The following DMRTA2 variants were observed in gnomAD, a reference collection of about 807,000 sequenced individuals.
DMRTA2 encodes DMRT like family A2.
Under a neutral mutation model 29.7 loss-of-function variants are expected in DMRTA2, and 10 were observed. The ratio of observed to expected loss-of-function variants is 0.34; its 90% CI spans 0.21 to 0.57. The LOEUF (loss-of-function observed/expected upper bound fraction) is 0.57. Among genes scored for constraint, DMRTA2 ranks in the 20% least tolerant of loss-of-function variants. The pLI, the probability that DMRTA2 is intolerant of heterozygous loss-of-function variation, is 0.87. For synonymous variants in DMRTA2, 469 were observed against 402.6 expected (o/e 1.16, Z -1.97); for missense variants, 783 against 812.1 (o/e 0.96, Z 0.44).
chr1:50,418,593 A>T lies in DMRTA2; in HGVS notation c.*72T>A, dbSNP rs1646006032. On this transcript the variant is annotated 3_prime_UTR_variant, in exon 3 of 3. Transcript: ENST00000404795. ...GGCGCAGAGAGAGCGCTGGGCGAAG[A>T]GGGGTCGATGGCCCGCGGGAACAGG... The T allele has an allele frequency of 2.3e-5, 28 of 1,241,086 alleles. No homozygotes were observed. Among genetic ancestry groups the T allele is most frequent in the Non-Finnish European group, 2.8e-5 (27 of 959,252 alleles). The allele number at this position is 1,241,086 out of a possible 1,614,324, so 76.9% of individuals were successfully genotyped here. A position where few individuals can be genotyped will look rare whatever the true frequency, so the allele number is the denominator to read the frequency against.
Position 50,419,882 on chromosome 1 carries a change from G to T in DMRTA2, c.560-148C>A. 1 of 689,882 alleles carries T rather than the reference G, an allele frequency of 1.4e-6. No homozygotes were observed. The highest frequency in any genetic ancestry group is 2.2e-6 in the Non-Finnish European group (1 of 449,442). 42.7% of individuals were successfully genotyped at this position (689,882 alleles called of 1,614,324 possible). A position where few individuals can be genotyped will look rare whatever the true frequency, so the allele number is the denominator to read the frequency against. Reference sequence around the variant, plus strand: ...AGTGCCCCTCTTTCTTTTTGCTCTAGCATTCCTTCCGCTCTGAGCCCCTAC... The same window carrying T: ...AGTGCCCCTCTTTCTTTTTGCTCTATCATTCCTTCCGCTCTGAGCCCCTAC... On this transcript the variant is annotated intron_variant, in intron 2 of 2. Transcript: ENST00000404795. This position sits in a 1 kb window ranked among gnomAD's most constrained non-coding sequence, Gnocchi z 6.1.
chr1:50,421,548 A>C lies in DMRTA2; in HGVS notation c.-8-4T>G, dbSNP rs1214946930. The C allele has an allele frequency of 8.0e-7, 1 of 1,244,218 alleles. No homozygotes were observed. The highest frequency in any genetic ancestry group is 1.0e-6 in the Non-Finnish European group (1 of 997,572). 77.1% of individuals were successfully genotyped at this position (1,244,218 alleles called of 1,614,324 possible). On this transcript the variant is annotated splice_region_variant and splice_polypyrimidine_tract_variant and intron_variant, in intron 1 of 2. Coordinates refer to ENST00000404795, the MANE Select transcript of DMRTA2 (RefSeq NM_032110.3). The surrounding 1 kb of genome is among the most constrained non-coding windows in gnomAD (Gnocchi z 8.7). ...GAGCGCAGCTCCATGACAGGACCTG[A>C]CGGGAAAGAAGGTGGGAGAGGGGAG...
In DMRTA2 at chr1:50,421,887, G is replaced by A. The variant is rs540947452; in HGVS notation, c.-8-343C>T. Among the ~76,000 whole-genome samples, 210 of 152,350 alleles carry A rather than the reference G, an allele frequency of 1.4e-3. No individual in the cohort carries two copies. Among genetic ancestry groups the A allele is most frequent in the African/African-American group, 4.8e-3 (199 of 41,582 alleles). ...AATGAGAATTTGGAAAAGTTAAGAT[G>A]ATACCCCAAAGCTTAGCCTAATTGG... On this transcript the variant is annotated intron_variant, in intron 1 of 2. Transcript: ENST00000404795. The surrounding 1 kb of genome is among the most constrained non-coding windows in gnomAD (Gnocchi z 8.7).
chr1:50,418,533 A>T lies in DMRTA2; in HGVS notation c.*132T>A. ...CCACCCACCCTCCTAAACAAAACCC[A>T]AAAACCACCTTAGAGTGAGAAGACG... On this transcript the variant is annotated 3_prime_UTR_variant, in exon 3 of 3. Coordinates refer to ENST00000404795, the MANE Select transcript of DMRTA2 (RefSeq NM_032110.3). 1 of 769,520 alleles carries T rather than the reference A, an allele frequency of 1.3e-6. No individual in the cohort carries two copies. Among genetic ancestry groups the T allele is most frequent in the Non-Finnish European group, 1.8e-6 (1 of 559,144 alleles). 47.7% of individuals were successfully genotyped at this position (769,520 alleles called of 1,614,324 possible).
Position 50,418,773 on chromosome 1 carries a change from A to T in DMRTA2, c.1521T>A (p.Asp507Glu), listed in dbSNP as rs759831457. The T allele has an allele frequency of 1.9e-6, 3 of 1,585,724 alleles. No individual in the cohort carries two copies. The African/African-American group carries it at 4.2e-5, about 22-fold the overall frequency. The change falls in exon 3 of 3, where the codon GAT becomes GAA. Residue 507 changes from aspartate (D) to glutamate (E), a missense_variant. By Grantham distance (45) the Asp-to-Glu change is conservative. Around this residue, in one of 3 missense-constraint regions of DMRTA2, gnomAD observed 667 missense variants for 624.8 expected, o/e 1.07. Coordinates refer to ENST00000404795, the MANE Select transcript of DMRTA2 (RefSeq NM_032110.3). ...CGGCGGCCGAGCGGTCACGCATGAG[A>T]TCGCTAAAGGCGTAGTCCATGGGTG... ...FRPPMDYAFSDLMRDRSAAAA... is the reference protein window; with the variant it reads ...FRPPMDYAFSELMRDRSAAAA...
At position 50,421,556 on chromosome 1, in the gene DMRTA2, G is replaced by C. The variant is rs953326085; in HGVS notation, c.-8-12C>G. On this transcript the variant is annotated splice_polypyrimidine_tract_variant and intron_variant, in intron 1 of 2. Transcript: ENST00000404795. The surrounding 1 kb of genome is among the most constrained non-coding windows in gnomAD (Gnocchi z 8.7). Reference sequence around the variant, plus strand: ...CTCCATGACAGGACCTGACGGGAAAGAAGGTGGGAGAGGGGAGAGACCTGG... The same window carrying C: ...CTCCATGACAGGACCTGACGGGAAACAAGGTGGGAGAGGGGAGAGACCTGG... 8.1e-7 allele frequency: 1 copy of C among 1,242,116 alleles called. No individual in the cohort carries two copies. Among genetic ancestry groups the C allele is most frequent in the Non-Finnish European group, 1.0e-6 (1 of 996,182 alleles). The allele number at this position is 1,242,116 out of a possible 1,614,324, so 76.9% of individuals were successfully genotyped here. A position where few individuals can be genotyped will look rare whatever the true frequency, so the allele number is the denominator to read the frequency against.
chr1:50,419,774 A>G lies in DMRTA2; in HGVS notation c.560-40T>C. On this transcript the variant is annotated intron_variant, in intron 2 of 2. Coordinates refer to ENST00000404795, the MANE Select transcript of DMRTA2 (RefSeq NM_032110.3). The surrounding 1 kb of genome is among the most constrained non-coding windows in gnomAD (Gnocchi z 6.1). ...AACGTGTCGTGAGGAGCGGTTAGCTAGAAGACAGCAGTCACAGCACCTCGG... is the reference window on the plus strand; with the variant it reads ...AACGTGTCGTGAGGAGCGGTTAGCTGGAAGACAGCAGTCACAGCACCTCGG... 1.4e-6 allele frequency: 2 copies of G among 1,427,870 alleles called. No homozygotes were observed. Among genetic ancestry groups the G allele is most frequent in the Non-Finnish European group, 1.8e-6 (2 of 1,087,302 alleles). 88.5% of individuals were successfully genotyped at this position (1,427,870 alleles called of 1,614,324 possible).
chr1:50,419,972 A>C lies in DMRTA2; in HGVS notation c.560-238T>G, dbSNP rs1338084170. 6.6e-6 allele frequency among the ~76,000 whole-genome samples: 1 copy of C among 152,096 alleles called. No homozygotes were observed. Among genetic ancestry groups the C allele is most frequent in the Non-Finnish European group, 1.5e-5 (1 of 68,020 alleles). On this transcript the variant is annotated intron_variant, in intron 2 of 2. Coordinates refer to ENST00000404795, the MANE Select transcript of DMRTA2 (RefSeq NM_032110.3). The surrounding 1 kb of genome is among the most constrained non-coding windows in gnomAD (Gnocchi z 6.1). ...AGAACCCCAACTACCTGTGCCCTGT[A>C]AACTCGATGTTCAGTGCTGCTTTCC...
In DMRTA2 at chr1:50,419,654, C is replaced by T; in HGVS notation, c.640G>A (p.Val214Met). ...GCGCCGTCGGGTGATAAGGGCTTCACCGGCGGCGGCAGCGGGCTGCCCGGG... is the reference window on the plus strand; with the variant it reads ...GCGCCGTCGGGTGATAAGGGCTTCATCGGCGGCGGCAGCGGGCTGCCCGGG... ...GRPGSPLPPP[V>M]KPLSPDGADS... Residue 214 changes from valine (V) to methionine (M), a missense_variant, in exon 3 of 3, where the codon GTG becomes ATG. Around this residue, in one of 3 missense-constraint regions of DMRTA2, gnomAD observed 667 missense variants for 624.8 expected, o/e 1.07. Transcript: ENST00000404795. The surrounding 1 kb of genome is among the most constrained non-coding windows in gnomAD (Gnocchi z 6.1). 2 of 1,500,262 alleles carry T rather than the reference C, an allele frequency of 1.3e-6. No individual in the cohort carries two copies. The highest frequency in any genetic ancestry group is 1.8e-6 in the Non-Finnish European group (2 of 1,127,988). 92.9% of individuals were successfully genotyped at this position (1,500,262 alleles called of 1,614,324 possible).
chr1:50,422,285 C>T lies in DMRTA2; in HGVS notation c.-8-741G>A, dbSNP rs1391313468. Among the ~76,000 whole-genome samples, 2 of 152,074 alleles carry T rather than the reference C, an allele frequency of 1.3e-5. No homozygotes were observed. The highest frequency in any genetic ancestry group is 3.2e-3 in the Middle Eastern group (1 of 316). On this transcript the variant is annotated intron_variant, in intron 1 of 2. Transcript: ENST00000404795. This position sits in a 1 kb window ranked among gnomAD's most constrained non-coding sequence, Gnocchi z 5.7. ...CCAAAAGTTCCACGGTGAGGGCCTC[C>T]AGAGAGTGAGAGACAAAATGTATGT...
rs1489886447 is a variant in DMRTA2, at chr1:50,417,592, T to C, written c.*1073A>G. On this transcript the variant is annotated 3_prime_UTR_variant, in exon 3 of 3. Coordinates refer to ENST00000404795, the MANE Select transcript of DMRTA2 (RefSeq NM_032110.3). ...AACATTTATTTCTAGCTCATATCTATGCAAAGGAAAGCACAAAGTGCTGCT... is the reference window on the plus strand; with the variant it reads ...AACATTTATTTCTAGCTCATATCTACGCAAAGGAAAGCACAAAGTGCTGCT... The C allele has an allele frequency of 1.3e-5, 2 of 151,742 alleles. No homozygotes were observed. The highest frequency in any genetic ancestry group is 6.6e-5 in the Admixed American group (1 of 15,232). The allele number at this position is 151,742 out of a possible 1,614,324, so 9.4% of individuals were successfully genotyped here.
chr1:50,418,598 T>C lies in DMRTA2; in HGVS notation c.*67A>G. ...AGAGAGAGCGCTGGGCGAAGAGGGG[T>C]CGATGGCCCGCGGGAACAGGGCTGG... On this transcript the variant is annotated 3_prime_UTR_variant, in exon 3 of 3. Coordinates refer to ENST00000404795, the MANE Select transcript of DMRTA2 (RefSeq NM_032110.3). 1.6e-6 allele frequency: 2 copies of C among 1,263,226 alleles called. No homozygotes were observed. Among genetic ancestry groups the C allele is most frequent in the Non-Finnish European group, 2.0e-6 (2 of 980,674 alleles). The allele number at this position is 1,263,226 out of a possible 1,614,324, so 78.3% of individuals were successfully genotyped here.
In DMRTA2 at chr1:50,419,325, C is replaced by A. The variant is rs1398253228; in HGVS notation, c.969G>T (p.Val323=). The A allele has an allele frequency of 6.3e-7, 1 of 1,596,768 alleles. No homozygotes were observed. Among genetic ancestry groups the A allele is most frequent in the East Asian group, 2.2e-5 (1 of 44,770 alleles). The change falls in exon 3 of 3, where the codon GTG becomes GTT. Residue 323 remains valine (V), a synonymous_variant. Coordinates refer to ENST00000404795, the MANE Select transcript of DMRTA2 (RefSeq NM_032110.3). This position sits in a 1 kb window ranked among gnomAD's most constrained non-coding sequence, Gnocchi z 6.1. ...QRTPLDILTR[V]FPGHRRGVLE... The stretch of plus-strand genomic sequence containing the variant: ...GGACGCCTCGCCGGTGGCCTGGGAA[C>A]ACGCGTGTCAAGATATCCAGCGGCG...
At position 50,421,324 on chromosome 1, in the gene DMRTA2, C is replaced by T; in HGVS notation, c.213G>A (p.Ala71=). 2 of 1,529,666 alleles carry T rather than the reference C, an allele frequency of 1.3e-6. No individual in the cohort carries two copies. Among genetic ancestry groups the T allele is most frequent in the Non-Finnish European group, 1.8e-6 (2 of 1,138,158 alleles). The allele number at this position is 1,529,666 out of a possible 1,614,324, so 94.8% of individuals were successfully genotyped here. A position where few individuals can be genotyped will look rare whatever the true frequency, so the allele number is the denominator to read the frequency against. The stretch of plus-strand genomic sequence containing the variant: ...ACACCACGCCATGGTTGCGACAGCG[C>T]GCGCACTTGGGGGTCCGCGGGTACT... ...AEKYPRTPKC[A]RCRNHGVVSA... Residue 71 remains alanine (A), a synonymous_variant, in exon 2 of 3, where the codon GCG becomes GCA. Coordinates refer to ENST00000404795, the MANE Select transcript of DMRTA2 (RefSeq NM_032110.3). The surrounding 1 kb of genome is among the most constrained non-coding windows in gnomAD (Gnocchi z 8.7).
In DMRTA2 at chr1:50,418,191, G is replaced by A. The variant is rs1394080078; in HGVS notation, c.*474C>T. ...GTGTGTCCCAAAGACTCAGTGCCAA[G>A]AGATTTATACATCCTAAATTTATAT... On this transcript the variant is annotated 3_prime_UTR_variant, in exon 3 of 3. Transcript: ENST00000404795. 1 of 151,964 alleles carries A rather than the reference G, an allele frequency of 6.6e-6. No individual in the cohort carries two copies. The highest frequency in any genetic ancestry group is 1.5e-5 in the Non-Finnish European group (1 of 68,284). 9.4% of individuals were successfully genotyped at this position (151,964 alleles called of 1,614,324 possible). A position where few individuals can be genotyped will look rare whatever the true frequency, so the allele number is the denominator to read the frequency against.
In DMRTA2 at chr1:50,421,372, T is replaced by C. The variant is rs534136697; in HGVS notation, c.165A>G (p.Pro55=). ...SVAGGLLRGP[P]LLLRAAEKYP... ...ACTTCTCGGCTGCCCGCAGCAACAG[T>C]GGCGGCCCCCGCAGCAAGCCGCCTG... is the stretch of plus-strand genomic sequence containing the variant. Residue 55 remains proline, a synonymous_variant, in exon 2 of 3, where the codon CCA becomes CCG. Coordinates refer to ENST00000404795, the MANE Select transcript of DMRTA2 (RefSeq NM_032110.3). The surrounding 1 kb of genome is among the most constrained non-coding windows in gnomAD (Gnocchi z 8.7). 3.0e-3 allele frequency: 4,496 copies of C among 1,501,716 alleles called. 13 individuals are homozygous for C. Among genetic ancestry groups the C allele is most frequent in the Non-Finnish European group, 3.4e-3 (3,783 of 1,125,990 alleles). The allele number at this position is 1,501,716 out of a possible 1,614,324, so 93.0% of individuals were successfully genotyped here.
rs1646022305 is a variant in DMRTA2, at chr1:50,419,698, G to A, written c.596C>T (p.Thr199Met). ...KLQKFDLFPKTLLQAGRPGSP... is the reference protein window; with the variant it reads ...KLQKFDLFPKMLLQAGRPGSP... ...GCCCGGGCGGCCTGCCTGCAGCAGC[G>A]TCTTAGGAAACAGGTCAAACTTCTG... Residue 199 changes from threonine to methionine, a missense_variant, in exon 3 of 3, where the codon ACG becomes ATG. Coordinates refer to ENST00000404795, the MANE Select transcript of DMRTA2 (RefSeq NM_032110.3). This position sits in a 1 kb window ranked among gnomAD's most constrained non-coding sequence, Gnocchi z 6.1. 1 of 1,500,282 alleles carries A rather than the reference G, an allele frequency of 6.7e-7. No individual in the cohort carries two copies. The highest frequency in any genetic ancestry group is 1.5e-5 in the African/African-American group (1 of 68,802). 92.9% of individuals were successfully genotyped at this position (1,500,282 alleles called of 1,614,324 possible).
rs1397066807 is a variant in DMRTA2, at chr1:50,418,843, G to T, written c.1451C>A (p.Ala484Glu). The change falls in exon 3 of 3, where the codon GCG becomes GAG. Residue 484 changes from alanine (A) to glutamate (E), a missense_variant. By Grantham distance (107) the Ala-to-Glu change is moderately radical (BLOSUM62 -1). This residue lies in a region of DMRTA2 where 667 missense variants were observed against 624.8 expected (regional missense o/e 1.07). Transcript: ENST00000404795. Reference sequence around the variant, plus strand: ...CACCAAGCCGGCAGTGGAGTAGGGCGCCATGAAGGCCAGACCGCGGCTGTG... The same window carrying T: ...CACCAAGCCGGCAGTGGAGTAGGGCTCCATGAAGGCCAGACCGCGGCTGTG... ...AAHSRGLAFM[A>E]PYSTAGLVPT... is the part of the protein sequence containing the mutation. 4 of 1,572,180 alleles carry T rather than the reference G, an allele frequency of 2.5e-6. No homozygotes were observed. The highest frequency in any genetic ancestry group is 3.4e-6 in the Non-Finnish European group (4 of 1,163,128).
rs761076351 is a variant in DMRTA2, at chr1:50,419,746, G to C, written c.560-12C>G. 6.9e-7 allele frequency: 1 copy of C among 1,459,050 alleles called. No homozygotes were observed. The highest frequency in any genetic ancestry group is 2.6e-5 in the East Asian group (1 of 38,042). 90.4% of individuals were successfully genotyped at this position (1,459,050 alleles called of 1,614,324 possible). A position where few individuals can be genotyped will look rare whatever the true frequency, so the allele number is the denominator to read the frequency against. On this transcript the variant is annotated splice_polypyrimidine_tract_variant and intron_variant, in intron 2 of 2. Transcript: ENST00000404795. This position sits in a 1 kb window ranked among gnomAD's most constrained non-coding sequence, Gnocchi z 6.1. ...CTGCAACTTGGCCTCTGGGAGGGGA[G>C]AAAACGTGTCGTGAGGAGCGGTTAG...
Sources: allele counts gnomAD v4.1 joint callset (sites outside exome capture counted in the v4.1 genomes callset), GRCh38; gene constraint gnomAD v4.1.1; regional missense constraint gnomAD v4.1.1; non-coding constraint Gnocchi (gnomAD v3.1); transcripts MANE v1.5; gene names NCBI Gene and HGNC (gene_info 2026-07-23, HGNC 2026-07-21).